The following TUT4 variants were observed in gnomAD, a reference collection of about 807,000 sequenced individuals.
The protein encoded by TUT4 is terminal uridylyltransferase 4.
A neutral mutation model predicts 192.2 loss-of-function variants in TUT4; 36 were observed. The ratio of observed to expected loss-of-function variants is 0.19; its 90% confidence interval spans 0.14 to 0.25. The LOEUF (loss-of-function observed/expected upper bound fraction) is 0.25, where lower values mean the gene tolerates loss of function less well. TUT4 is among the 10% of genes least tolerant of loss of function. The pLI is 1.00. For synonymous variants in TUT4, 618 were observed against 666.0 expected, an observed-to-expected ratio of 0.93 and a Z score of 1.11; for missense variants, 1,493 against 1,957.2, an observed-to-expected ratio of 0.76 and a Z score of 4.47.
At chr1:52,444,206 C>T (rs1247671762) in intron 24 of TUT4, among the ~76,000 whole-genome samples, 2 of 152,128 alleles carry the variant, frequency 1.3e-5, no homozygotes, top group Non-Finnish European at 2.9e-5. Flanking sequence ...TGCACTCCAG[C>T]CTGGTGACAG....
chr1:52,502,943 G>C (rs111620497), intron 4 of TUT4, among the ~76,000 whole-genome samples: 1 of 151,856 alleles, frequency 6.6e-6, no homozygotes. Flanking sequence ...AGCACTCTTC[G>C]CCTCTACACT....
chr1:52,517,627 G>C (rs2149380569), intron 2 of TUT4, among the ~76,000 whole-genome samples: 2 of 152,226 alleles, frequency 1.3e-5, no homozygotes, highest in Middle Eastern at 6.8e-3. Context: ...GTTATAAAAA[G>C]GACTCAAACA....
chr1:52,524,347 C>A (rs1393015163), intron 2 of TUT4, among the ~76,000 whole-genome samples: 1 of 151,224 alleles, frequency 6.6e-6, no homozygotes, highest in African/African-American at 2.4e-5. Context: ...CACGGTGAAA[C>A]CCCGTCTCTA....
intron 1 of TUT4, among the ~76,000 whole-genome samples, chr1:52,537,916 G>T (rs2149604999): frequency 6.6e-6 from 1 of 151,506 alleles, no homozygotes; most frequent in East Asian, 1.9e-4. Context: ...TCTCAAAAAT[G>T]AATAAATAAA....
At position 52,506,202 on chromosome 1, in the gene TUT4, T is replaced by G. The variant is rs527584246; in HGVS notation, c.999+3394A>C. On this transcript the variant is annotated intron_variant, in intron 4 of 29. Coordinates refer to ENST00000257177, the MANE Select transcript of TUT4 (RefSeq NM_001009881.3). Reference sequence around the variant, plus strand: ...TCATGACACATTCATTCCTCTAATATGCTGTTGGATTCAATTGGCTAAAGT... The same window carrying G: ...TCATGACACATTCATTCCTCTAATAGGCTGTTGGATTCAATTGGCTAAAGT... Among the ~76,000 whole-genome samples the G allele has an allele frequency of 3.3e-5, 5 of 152,338 alleles. No homozygotes were observed. The South Asian group carries it at 1.0e-3, about 32-fold the overall frequency.
At chr1:52,523,585 C>T (rs1419357347) in intron 2 of TUT4, among the ~76,000 whole-genome samples, 1 of 151,906 alleles carries the variant, frequency 6.6e-6, no homozygotes, top group African/African-American at 2.4e-5. Context: ...CAGAGCAAAA[C>T]CCTGTCTCAA....
At chr1:52,521,562 G>A (rs1680283273) in intron 2 of TUT4, among the ~76,000 whole-genome samples, 1 of 152,016 alleles carries the variant, frequency 6.6e-6, no homozygotes. Context: ...CTACTCAGGA[G>A]GCTGAAGGAC....
intron 19 of TUT4, among the ~76,000 whole-genome samples, chr1:52,459,696 C>G (rs1004486284): frequency 1.3e-5 from 2 of 152,128 alleles, no homozygotes; most frequent in Admixed American, 1.3e-4. Flanking sequence ...GCCTGGCCAA[C>G]ATGGCAAAAC....
At chr1:52,454,121 A>G (rs952900259) in intron 20 of TUT4, among the ~76,000 whole-genome samples, 1 of 152,218 alleles carries the variant, frequency 6.6e-6, no homozygotes, top group Non-Finnish European at 1.5e-5. Flanking sequence ...TGACAGGAAG[A>G]CTCAAAATTG....
intron 1 of TUT4, among the ~76,000 whole-genome samples, chr1:52,536,406 A>G (rs927720149): frequency 6.6e-5 from 10 of 152,224 alleles, no homozygotes; most frequent in Admixed American, 6.5e-5. Flanking sequence ...CAGGATTATA[A>G]TTCTATAAAA....
At chr1:52,472,369 A>T (rs1665989874) in intron 13 of TUT4, among the ~76,000 whole-genome samples, 1 of 152,118 alleles carries the variant, frequency 6.6e-6, no homozygotes, top group African/African-American at 2.4e-5. Context: ...CAGGAGATGC[A>T]GAAAGTATGA....
chr1:52,485,824 C>G (rs1669655234), intron 9 of TUT4, among the ~76,000 whole-genome samples: 1 of 151,892 alleles, frequency 6.6e-6, no homozygotes, highest in Non-Finnish European at 1.5e-5. Context: ...GCTTATATTT[C>G]ATTTAGATTG....
At chr1:52,498,304 C>T (rs1482111260) in intron 4 of TUT4, among the ~76,000 whole-genome samples, 8 of 146,348 alleles carry the variant, frequency 5.5e-5, no homozygotes, top group African/African-American at 1.5e-4. Context: ...TGCAGTGGCG[C>T]GATCTCAGCT....
At chr1:52,511,144 A>G (rs1054279117) in intron 3 of TUT4, among the ~76,000 whole-genome samples, 1 of 152,180 alleles carries the variant, frequency 6.6e-6, no homozygotes, top group Non-Finnish European at 1.5e-5. Context: ...GCCATCCCTT[A>G]TAGAGTATTA....
chr1:52,490,291 C>T (rs1381765768), intron 8 of TUT4, among the ~76,000 whole-genome samples: 1 of 151,858 alleles, frequency 6.6e-6, no homozygotes, highest in Non-Finnish European at 1.5e-5. Flanking sequence ...GCTGGGACCA[C>T]AGGCACACAC....
intron 4 of TUT4, among the ~76,000 whole-genome samples, chr1:52,504,494 G>A (rs1374407212): frequency 6.6e-6 from 1 of 152,124 alleles, no homozygotes; most frequent in African/African-American, 2.4e-5. Flanking sequence ...GCCAGGCGTG[G>A]TGGCATGCAC....
Position 52,526,161 on chromosome 1 carries a change from T to C in TUT4, c.120A>G (p.Lys40=), listed in dbSNP as rs747835388. Residue 40 remains lysine (K), a synonymous_variant, in exon 2 of 30, where the codon AAA becomes AAG. Transcript: ENST00000257177. The part of the protein sequence containing the change: ...GNQTLKARND[K]SVKEIENSSP... ...AGCTGTTCTCAATTTCTTTTACGGATTTATCATTTCTAGCTTTCAATGTTT... is the reference window on the plus strand; with the variant it reads ...AGCTGTTCTCAATTTCTTTTACGGACTTATCATTTCTAGCTTTCAATGTTT... 1.9e-6 allele frequency: 3 copies of C among 1,612,546 alleles called. No homozygotes were observed. In the African/African-American group the frequency reaches 4.0e-5, roughly 22 times the overall value.
At chr1:52,445,117 T>C (rs1025982528) in intron 24 of TUT4, among the ~76,000 whole-genome samples, 3 of 151,850 alleles carry the variant, frequency 2.0e-5, no homozygotes, top group Admixed American at 2.0e-4. Flanking sequence ...AGAACCCTAA[T>C]ACATTTGTTC....
intron 27 of TUT4, chr1:52,433,585 G>A (rs1652793123): frequency 6.6e-6 from 1 of 152,186 alleles, no homozygotes; most frequent in South Asian, 2.1e-4. Context: ...CCATTAGACA[G>A]ACTCTTTCCG....
Sources: allele counts gnomAD v4.1 joint callset (sites outside exome capture counted in the v4.1 genomes callset), GRCh38; gene constraint gnomAD v4.1.1; transcripts MANE v1.5; gene names NCBI Gene and HGNC (gene_info 2026-07-23, HGNC 2026-07-21).